Variants in CCDC57 observed in about 807,000 individuals in gnomAD.
The protein encoded by CCDC57 is coiled-coil domain containing 57, also known as coiled-coil domain-containing protein 57.
A neutral mutation model predicts 118.9 loss-of-function variants in CCDC57; 118 were observed. That is an observed-to-expected ratio of 0.99 (90% confidence interval 0.86 to 1.16). CCDC57 has a LOEUF of 1.16. CCDC57 is among the 50% of genes most tolerant of loss of function. The pLI is 0.00. For synonymous variants in CCDC57, 527 were observed against 532.9 expected, an observed-to-expected ratio of 0.99 and a Z score of 0.15; for missense variants, 1,300 against 1,320.7, an observed-to-expected ratio of 0.98 and a Z score of 0.24.
At chr17:82,124,074 G>A (rs981811743) in intron 19 of CCDC57, among the ~76,000 whole-genome samples, 11 of 152,150 alleles carry the variant, frequency 7.2e-5, no homozygotes, top group East Asian at 3.9e-4. Context: ...TGGTGGTGGC[G>A]GGGGCTACCA....
In CCDC57 at chr17:82,172,790, T is replaced by C. The variant is rs1308174904; in HGVS notation, c.1577A>G (p.Glu526Gly). ...CGCGTTTCGCAAGCTCGTGTTCTGC[T>C]CTCGGAGCCGCTGGATCTCACTGGA... is the stretch of plus-strand genomic sequence containing the variant. The change falls in exon 12 of 20, where the codon GAG becomes GGG. Residue 526 changes from glutamate (E) to glycine (G), a missense_variant. Glu to Gly is a moderately conservative substitution (Grantham distance 98). Transcript: ENST00000665763. The surrounding 1 kb of genome is among the most constrained non-coding windows in gnomAD (Gnocchi z 5.2). 2 of 1,613,540 alleles carry C rather than the reference T, an allele frequency of 1.2e-6. No individual in the cohort carries two copies. The highest frequency in any genetic ancestry group is 1.7e-6 in the Non-Finnish European group (2 of 1,179,746).
At chr17:82,194,368 T>C (rs1329899060) in intron 5 of CCDC57, 45 of 430,782 alleles carry the variant, frequency 1.0e-4, no homozygotes. Context: ...TGGAGTGCAA[T>C]GGCGTGATCT....
intron 19 of CCDC57, among the ~76,000 whole-genome samples, chr17:82,104,051 G>A (rs557787507): frequency 1.3e-4 from 20 of 152,352 alleles, no homozygotes; most frequent in African/African-American, 4.8e-4. Flanking sequence ...CACGGAGCTG[G>A]ATGTGTCAAG....
At chr17:82,157,477 G>A in intron 15 of CCDC57, 1 of 1,403,216 alleles carries the variant, frequency 7.1e-7, no homozygotes, top group Non-Finnish European at 9.2e-7. Flanking sequence ...GCTGTTAGCT[G>A]AAGGGAGGAC....
chr17:82,202,556 C>G (rs1477283490), intron 2 of CCDC57, among the ~76,000 whole-genome samples: 1 of 151,890 alleles, frequency 6.6e-6, no homozygotes, highest in Non-Finnish European at 1.5e-5. Context: ...TTGAGACCGG[C>G]CTGGCCAACA....
chr17:82,166,876 A>G (rs1201703487), intron 13 of CCDC57, among the ~76,000 whole-genome samples: 1 of 152,140 alleles, frequency 6.6e-6, no homozygotes. Flanking sequence ...TGACCATACT[A>G]CCACACTCCA....
intron 17 of CCDC57, among the ~76,000 whole-genome samples, chr17:82,131,181 A>G (rs1248084581): frequency 6.7e-6 from 1 of 150,106 alleles, no homozygotes; most frequent in Non-Finnish European, 1.5e-5. Context: ...CTGTAATCCC[A>G]GCACTTTGGG....
intron 14 of CCDC57, among the ~76,000 whole-genome samples, chr17:82,161,345 G>A (rs2043306932): frequency 6.6e-6 from 1 of 152,126 alleles, no homozygotes; most frequent in African/African-American, 2.4e-5. Context: ...CAGCACGGTG[G>A]CTCCTCAAAG....
At chr17:82,145,116 G>A (rs1265769579) in intron 16 of CCDC57, among the ~76,000 whole-genome samples, 3 of 148,738 alleles carry the variant, frequency 2.0e-5, no homozygotes, top group South Asian at 4.2e-4. Context: ...TCCACCTCTC[G>A]GGTTCGAGAT....
chr17:82,103,201 G>A (rs948306078), intron 19 of CCDC57, among the ~76,000 whole-genome samples: 1 of 152,210 alleles, frequency 6.6e-6, no homozygotes, highest in Non-Finnish European at 1.5e-5. Flanking sequence ...CCCTGGCCCT[G>A]GGCCCCTCTT....
At chr17:82,133,589 G>A (rs1393828484) in intron 17 of CCDC57, among the ~76,000 whole-genome samples, 9 of 151,908 alleles carry the variant, frequency 5.9e-5, no homozygotes, top group South Asian at 4.2e-4. Context: ...GGCTGGGCGC[G>A]GTGGTTCATG....
chr17:82,127,600 C>T lies in CCDC57; in HGVS notation c.2899+92G>A, dbSNP rs537314276. 164 of 1,481,604 alleles carry T rather than the reference C, an allele frequency of 1.1e-4. No individual in the cohort carries two copies. In the East Asian group the frequency reaches 1.2e-3, roughly 11 times the overall value. The allele number at this position is 1,481,604 out of a possible 1,614,324, so 91.8% of individuals were successfully genotyped here. Reference sequence around the variant, plus strand: ...CAGGGATTTCAGGGTGCAGGAGGCACGCAGGGTGCTGACTCTCCACATGCC... The same window carrying T: ...CAGGGATTTCAGGGTGCAGGAGGCATGCAGGGTGCTGACTCTCCACATGCC... On this transcript the variant is annotated intron_variant, in intron 19 of 19. Coordinates refer to ENST00000665763, the Ensembl canonical transcript of CCDC57.
At chr17:82,196,563 T>A (rs1269673696) in intron 4 of CCDC57, among the ~76,000 whole-genome samples, 1 of 152,154 alleles carries the variant, frequency 6.6e-6, no homozygotes, top group Non-Finnish European at 1.5e-5. Flanking sequence ...TATCCTACTA[T>A]GACCAAGCTC....
chr17:82,134,716 C>T (rs2038910658), intron 16 of CCDC57, among the ~76,000 whole-genome samples: 2 of 152,112 alleles, frequency 1.3e-5, no homozygotes, highest in Admixed American at 6.6e-5. Context: ...ATTGCTTGAA[C>T]CCGGGAGGCA....
intron 11 of CCDC57, among the ~76,000 whole-genome samples, chr17:82,177,540 C>T (rs575989784): frequency 5.3e-5 from 8 of 152,184 alleles, no homozygotes; most frequent in Non-Finnish European, 7.4e-5. Flanking sequence ...AAAGCGAGAC[C>T]GAGACCGTGT....
intron 19 of CCDC57, among the ~76,000 whole-genome samples, chr17:82,125,177 C>T (rs1373382375): frequency 5.3e-5 from 8 of 152,096 alleles, no homozygotes; most frequent in Non-Finnish European, 2.9e-5. Flanking sequence ...ATCCTAAGAA[C>T]ACTTACAATA....
chr17:82,101,728 C>T (rs2034464976), exon 20 of CCDC57: 1 of 1,608,028 alleles, frequency 6.2e-7, no homozygotes, highest in East Asian at 2.2e-5. Context: ...CCTCTGGCAG[C>T]CTTTAGCTTT....
At chr17:82,135,302 A>T (rs1432327195) in intron 16 of CCDC57, 1 of 152,152 alleles carries the variant, frequency 6.6e-6, no homozygotes, top group Non-Finnish European at 1.5e-5. Flanking sequence ...GGGTTTCTCC[A>T]TGTTGGTCAG....
In CCDC57 at chr17:82,212,378, C is replaced by T. The variant is rs2050224385; in HGVS notation, c.-211+407G>A. On this transcript the variant is annotated intron_variant, in intron 1 of 19. Coordinates refer to ENST00000665763, the Ensembl canonical transcript of CCDC57. The surrounding 1 kb of genome is among the most constrained non-coding windows in gnomAD (Gnocchi z 4.1). ...GATTACAGGCGCGAACCACCGCCTCCGGCCTTTTTTTTTCCTCTCTTTTTT... is the reference window on the plus strand; with the variant it reads ...GATTACAGGCGCGAACCACCGCCTCTGGCCTTTTTTTTTCCTCTCTTTTTT... 7.0e-6 allele frequency among the ~76,000 whole-genome samples: 1 copy of T among 142,074 alleles called. No homozygotes were observed. Among genetic ancestry groups the T allele is most frequent in the African/African-American group, 2.7e-5 (1 of 37,144 alleles). 93.2% of individuals were successfully genotyped at this position (142,074 alleles called of 152,430 possible).
Sources: allele counts gnomAD v4.1 joint callset (sites outside exome capture counted in the v4.1 genomes callset), GRCh38; gene constraint gnomAD v4.1.1; non-coding constraint Gnocchi (gnomAD v3.1); transcripts MANE v1.5; gene names NCBI Gene and HGNC (gene_info 2026-07-23, HGNC 2026-07-21).